MACROD2: variants seen among roughly 807,000 people sequenced by gnomAD.
The protein encoded by MACROD2 is ADP-ribose glycohydrolase MACROD2.
Under a neutral mutation model 70.4 loss-of-function variants are expected in MACROD2, and 36 were observed. The ratio of observed to expected loss-of-function variants is 0.51; its 90% CI spans 0.39 to 0.68. The LOEUF is 0.68. Ranked by LOEUF, MACROD2 falls within the 30% of genes least tolerant of loss-of-function variation. The pLI, the probability that MACROD2 is intolerant of heterozygous loss-of-function variation, is 0.00. For missense variants in MACROD2, 496 were observed against 538.4 expected (o/e 0.92, Z 0.78); for synonymous variants, 172 against 178.8 (o/e 0.96, Z 0.30).
At chr20:14,793,159 T>C (rs1332823804) in intron 5 of MACROD2, among the ~76,000 whole-genome samples, 1 of 152,066 alleles carries the variant, frequency 6.6e-6, no homozygotes, top group Admixed American at 6.6e-5. Context: ...TGGCATTATC[T>C]TCTACTCTGT....
intron 7 of MACROD2, among the ~76,000 whole-genome samples, chr20:15,477,610 A>G (rs2047040440): frequency 6.6e-6 from 1 of 152,284 alleles, no homozygotes; most frequent in African/African-American, 2.4e-5. Flanking sequence ...TGAAGGGTAC[A>G]TTAACAAATG....
intron 3 of MACROD2, among the ~76,000 whole-genome samples, chr20:14,119,498 T>G (rs1336546144): frequency 2.0e-5 from 3 of 152,156 alleles, no homozygotes; most frequent in Non-Finnish European, 4.4e-5. Flanking sequence ...CCCATCCACA[T>G]TATTGGTCAC....
chr20:14,771,087 T>C (rs975769581), intron 5 of MACROD2, among the ~76,000 whole-genome samples: 3 of 152,078 alleles, frequency 2.0e-5, no homozygotes, highest in Non-Finnish European at 4.4e-5. Flanking sequence ...CATTGTCTGA[T>C]TGACTGAGGG....
chr20:15,894,705 T>A (rs2147227802), intron 10 of MACROD2, among the ~76,000 whole-genome samples: 1 of 152,352 alleles, frequency 6.6e-6, no homozygotes, highest in African/African-American at 2.4e-5. Flanking sequence ...GGCCTGGCCT[T>A]CTGTCAGTGA....
chr20:15,182,220 T>C (rs2076505722), intron 5 of MACROD2, among the ~76,000 whole-genome samples: 1 of 152,182 alleles, frequency 6.6e-6, no homozygotes, highest in Admixed American at 6.6e-5. Context: ...GTAACAAAAC[T>C]ATAAATTCAT....
At chr20:15,416,701 G>A (rs550055596) in intron 6 of MACROD2, among the ~76,000 whole-genome samples, 52 of 151,932 alleles carry the variant, frequency 3.4e-4, no homozygotes, top group Non-Finnish European at 6.2e-4. Flanking sequence ...TCAGGAGATC[G>A]AGACCATCCT....
intron 3 of MACROD2, among the ~76,000 whole-genome samples, chr20:14,119,784 G>T (rs1364032363): frequency 6.6e-6 from 1 of 152,158 alleles, no homozygotes; most frequent in Non-Finnish European, 1.5e-5. Flanking sequence ...ATAGGCAAAA[G>T]CTAGTAGTTA....
intron 4 of MACROD2, among the ~76,000 whole-genome samples, chr20:14,618,380 G>A (rs112229672): frequency 3.9e-5 from 6 of 152,252 alleles, no homozygotes; most frequent in African/African-American, 1.4e-4. Context: ...TTTCTGCAGT[G>A]TAATCTTCAA....
intron 3 of MACROD2, among the ~76,000 whole-genome samples, chr20:14,092,923 T>C (rs1448466486): frequency 1.3e-5 from 2 of 152,234 alleles, no homozygotes; most frequent in Non-Finnish European, 2.9e-5. Context: ...TTTTCCATTA[T>C]TCAGAGCCAG....
In MACROD2 at chr20:15,264,079, C is replaced by A. The variant is rs143743457; in HGVS notation, c.540+34018C>A. Among the ~76,000 whole-genome samples the A allele has an allele frequency of 8.5e-5, 13 of 152,262 alleles. No homozygotes were observed. The East Asian group carries it at 2.5e-3, about 29-fold the overall frequency. ...GATACTGCATCCAAAGAATGACAAT[C>A]TTTGTGCTCATCCTTTGCACAATAA... On this transcript the variant is annotated intron_variant, in intron 6 of 17. Transcript: ENST00000684519.
At chr20:15,513,563 C>T (rs1233767) in intron 8 of MACROD2, among the ~76,000 whole-genome samples, 128,765 of 151,530 alleles carry the variant, frequency 0.85, 55,119 homozygotes, top group East Asian at 0.98. Context: ...AGAGGCTCTG[C>T]GTGTGTGTGT....
intron 2 of MACROD2, among the ~76,000 whole-genome samples, chr20:14,032,995 A>C (rs1472540803): frequency 6.6e-6 from 1 of 152,064 alleles, no homozygotes; most frequent in South Asian, 2.1e-4. Context: ...CTGTTTTAAA[A>C]AACTGTCTTT....
intron 5 of MACROD2, among the ~76,000 whole-genome samples, chr20:15,170,060 G>A (rs1185584557): frequency 1.3e-5 from 2 of 152,186 alleles, no homozygotes; most frequent in African/African-American, 2.4e-5. Context: ...AAGCCAGATG[G>A]TAATCAGTAG....
intron 10 of MACROD2, among the ~76,000 whole-genome samples, chr20:15,922,441 C>A (rs1028084134): frequency 6.6e-6 from 1 of 152,198 alleles, no homozygotes; most frequent in African/African-American, 2.4e-5. Context: ...TTTCACACTA[C>A]ATTCAAAATC....
chr20:14,914,073 C>T (rs2074060888), intron 5 of MACROD2, among the ~76,000 whole-genome samples: 1 of 152,164 alleles, frequency 6.6e-6, no homozygotes, highest in African/African-American at 2.4e-5. Context: ...TTCCCCAAGT[C>T]CAGCTCTTCT....
At chr20:14,718,764 T>C (rs1227040092) in intron 5 of MACROD2, among the ~76,000 whole-genome samples, 1 of 151,710 alleles carries the variant, frequency 6.6e-6, no homozygotes, top group Admixed American at 6.6e-5. Flanking sequence ...CAGAAAATGA[T>C]AAAATAATAC....
intron 5 of MACROD2, among the ~76,000 whole-genome samples, chr20:14,831,559 A>C (rs1247399409): frequency 6.6e-6 from 1 of 151,618 alleles, no homozygotes; most frequent in East Asian, 1.9e-4. Context: ...AGGGTGGATC[A>C]CCTGAGGTCG....
intron 8 of MACROD2, among the ~76,000 whole-genome samples, chr20:15,845,705 G>T (rs528616108): frequency 3.4e-3 from 515 of 152,208 alleles, no homozygotes; most frequent in Non-Finnish European, 4.1e-3. Context: ...ATTAAGCCTT[G>T]ATAAGAGTGA....
chr20:14,043,859 A>G (rs62209481), intron 2 of MACROD2, among the ~76,000 whole-genome samples: 2,023 of 152,350 alleles, frequency 0.013, 29 homozygotes, highest in Non-Finnish European at 0.021. Flanking sequence ...CTGAAGGCCA[A>G]TGTATAACAA....
Sources: allele counts gnomAD v4.1 joint callset (sites outside exome capture counted in the v4.1 genomes callset), GRCh38; gene constraint gnomAD v4.1.1; transcripts MANE v1.5; gene names NCBI Gene and HGNC (gene_info 2026-07-23, HGNC 2026-07-21).